RSPH14: variants seen among roughly 807,000 people sequenced by gnomAD.
RSPH14 encodes the protein rhabdoid tumor deletion region gene 1.
RSPH14 carries 20 observed loss-of-function variants against 26.7 expected under a neutral mutation model. The observed-to-expected ratio is 0.75, with a 90% CI of 0.53 to 1.09. The LOEUF (loss-of-function observed/expected upper bound fraction) is 1.09. Ranked by LOEUF, RSPH14 falls within the 50% of genes least tolerant of loss-of-function variation. The pLI, the probability that RSPH14 is intolerant of heterozygous loss-of-function variation, is 0.00. For synonymous variants in RSPH14, 177 were observed against 189.3 expected (o/e 0.93, Z 0.53); for missense variants, 449 against 457.2 (o/e 0.98, Z 0.16).
intron 4 of RSPH14, among the ~76,000 whole-genome samples, chr22:23,126,077 A>G (rs2070175878): frequency 6.6e-6 from 1 of 152,232 alleles, no homozygotes; most frequent in Non-Finnish European, 1.5e-5. Flanking sequence ...TTTCTGAAGA[A>G]ATAACGTGTG....
chr22:23,116,001 G>A (rs185038960), intron 4 of RSPH14, among the ~76,000 whole-genome samples: 18 of 152,344 alleles, frequency 1.2e-4, no homozygotes, highest in Non-Finnish European at 1.8e-4. Context: ...AAGGTGCCGC[G>A]CATGTGCCAG....
At chr22:23,168,893 A>G in the RSPH14 span, among the ~76,000 whole-genome samples, 1 of 152,236 alleles carries the variant, frequency 6.6e-6, no homozygotes, top group Non-Finnish European at 1.5e-5. Context: ...CTCTTCCCTG[A>G]CAGGTGGTTG....
chr22:23,167,326 C>T, the RSPH14 span, among the ~76,000 whole-genome samples: 2 of 152,214 alleles, frequency 1.3e-5, no homozygotes, highest in African/African-American at 4.8e-5. Flanking sequence ...CTCCCTGCAC[C>T]CTCACAATGT....
the RSPH14 span, among the ~76,000 whole-genome samples, chr22:23,170,347 G>A: frequency 1.3e-5 from 2 of 152,186 alleles, no homozygotes; most frequent in African/African-American, 4.8e-5. Flanking sequence ...TGCCAACACG[G>A]TTGGATTCTG....
At chr22:23,148,903 G>A (rs901143653), upstream of RSPH14, among the ~76,000 whole-genome samples, 8 of 152,222 alleles carry the variant, frequency 5.3e-5, no homozygotes, top group Non-Finnish European at 1.0e-4. Context: ...AGACTATCAG[G>A]CTAAGCTGCT....
chr22:23,089,772 AGGG>A (rs2068914249), intron 4 of RSPH14, among the ~76,000 whole-genome samples: 1 of 152,090 alleles, frequency 6.6e-6, no homozygotes, highest in Non-Finnish European at 1.5e-5. Context: ...CCCTCAGCAG[AGGG>A]TTCCTGAGTG....
chr22:23,166,482 T>TA, the RSPH14 span, among the ~76,000 whole-genome samples: 188 of 152,252 alleles, frequency 1.2e-3, no homozygotes, highest in African/African-American at 4.5e-3. Flanking sequence ...AACAGCTCCT[T>TA]ACCCTGACCT....
intron 4 of RSPH14, among the ~76,000 whole-genome samples, chr22:23,098,131 T>C (rs1249901336): frequency 1.3e-5 from 2 of 152,254 alleles, no homozygotes; most frequent in African/African-American, 4.8e-5. Context: ...TCTTGGCTCT[T>C]ACTGGCCTGT....
chr22:23,076,713 A>G (rs2068514781), intron 4 of RSPH14, among the ~76,000 whole-genome samples: 1 of 152,252 alleles, frequency 6.6e-6, no homozygotes, highest in Non-Finnish European at 1.5e-5. Context: ...CTTCAGAGGC[A>G]TGTCTATGGA....
chr22:23,138,022 G>A (rs182477003), intron 3 of RSPH14, among the ~76,000 whole-genome samples: 1 of 152,278 alleles, frequency 6.6e-6, no homozygotes, highest in Admixed American at 6.5e-5. Flanking sequence ...AAGTGAAGCT[G>A]TGCTTACACA....
chr22:23,144,919 A>G (rs1298576981), upstream of RSPH14: 2 of 158,406 alleles, frequency 1.3e-5, no homozygotes, highest in African/African-American at 4.8e-5. Flanking sequence ...TTCCAAACCG[A>G]AACTAGTTCA....
chr22:23,140,131 A>T lies in RSPH14; in HGVS notation c.199+91T>A, dbSNP rs188717377. ...GGAACTGGCCTGGAGTCAGGCTCAAACAATAGCAACCCTTATTACTGAAGT... is the reference window on the plus strand; with the variant it reads ...GGAACTGGCCTGGAGTCAGGCTCAATCAATAGCAACCCTTATTACTGAAGT... On this transcript the variant is annotated intron_variant, in intron 2 of 6. Transcript: ENST00000216036. The T allele has an allele frequency of 1.2e-5, 19 of 1,531,546 alleles. No homozygotes were observed. In the Admixed American group the frequency reaches 3.4e-4, roughly 27 times the overall value. 94.9% of individuals were successfully genotyped at this position (1,531,546 alleles called of 1,614,324 possible).
In RSPH14 at chr22:23,064,138, A is replaced by G. The variant is rs763636253; in HGVS notation, c.422-5T>C. ...TGCTGATGATCTCTTGGGCCCCTAC[A>G]AGGCAGGAAAGGGCACTGAGGGCGG... is the stretch of plus-strand genomic sequence containing the variant. On this transcript the variant is annotated splice_region_variant and splice_polypyrimidine_tract_variant and intron_variant, in intron 4 of 6. Transcript: ENST00000216036. 2.3e-5 allele frequency: 37 copies of G among 1,613,476 alleles called. No homozygotes were observed. The highest frequency in any genetic ancestry group is 2.5e-6 in the Non-Finnish European group (3 of 1,179,722).
In RSPH14 at chr22:23,064,133, C is replaced by A. The variant is rs762552106; in HGVS notation, c.422G>T (p.Gly141Val). 12 of 1,614,070 alleles carry A rather than the reference C, an allele frequency of 7.4e-6. No individual in the cohort carries two copies. The highest frequency in any genetic ancestry group is 1.0e-5 in the Non-Finnish European group (12 of 1,179,974). The part of the protein sequence containing the change: ...AYMQLVQVPR[G>V]AQEIISKGLI... Reference sequence around the variant, plus strand: ...ACCTTTGCTGATGATCTCTTGGGCCCCTACAAGGCAGGAAAGGGCACTGAG... The same window carrying A: ...ACCTTTGCTGATGATCTCTTGGGCCACTACAAGGCAGGAAAGGGCACTGAG... The change falls in exon 5 of 7, where the codon GGG becomes GTG. Residue 141 changes from glycine (G) to valine (V), a missense_variant and splice_region_variant. By Grantham distance (109) the Gly-to-Val change is moderately radical. Transcript: ENST00000216036.
Position 23,107,240 on chromosome 22 carries a change from G to A in RSPH14, c.421+26786C>T, listed in dbSNP as rs368783314. Among the ~76,000 whole-genome samples the A allele has an allele frequency of 5.9e-5, 9 of 152,242 alleles. No homozygotes were observed. The South Asian group carries it at 6.2e-4, about 11-fold the overall frequency. ...AGCAGAGGCTCTGACTTCTGGACTC[G>A]GCTGGAACACACCCCTGCCCTGGCC... On this transcript the variant is annotated intron_variant, in intron 4 of 6. Transcript: ENST00000216036.
the RSPH14 span, chr22:23,152,332 G>A: frequency 3.4e-6 from 3 of 875,226 alleles, no homozygotes; most frequent in South Asian, 1.4e-5. Context: ...TCTCAGCAGG[G>A]TGGCCCATCC....
intron 4 of RSPH14, among the ~76,000 whole-genome samples, chr22:23,080,109 G>C (rs2068634719): frequency 6.6e-6 from 1 of 152,182 alleles, no homozygotes; most frequent in African/African-American, 2.4e-5. Context: ...TCTTAATGAA[G>C]GCCCCACTTC....
intron 4 of RSPH14, among the ~76,000 whole-genome samples, chr22:23,113,441 G>A (rs745385029): frequency 1.5e-4 from 23 of 152,224 alleles, no homozygotes; most frequent in Non-Finnish European, 2.6e-4. Flanking sequence ...TTGGCCTGAG[G>A]GTAGATGTAG....
chr22:23,105,093 T>C (rs1371235954), intron 4 of RSPH14, among the ~76,000 whole-genome samples: 1 of 152,214 alleles, frequency 6.6e-6, no homozygotes, highest in East Asian at 1.9e-4. Flanking sequence ...ATTTCATTAA[T>C]AATGAAACCA....
Sources: allele counts gnomAD v4.1 joint callset (sites outside exome capture counted in the v4.1 genomes callset), GRCh38; gene constraint gnomAD v4.1.1; transcripts MANE v1.5; gene names NCBI Gene and HGNC (gene_info 2026-07-23, HGNC 2026-07-21).